The following ARHGAP11A variants were observed in gnomAD, a reference collection of about 807,000 sequenced individuals.
ARHGAP11A encodes rho GTPase-activating protein 11A.
Under a neutral mutation model 60.5 loss-of-function variants are expected in ARHGAP11A, and 36 were observed. That is an observed-to-expected ratio of 0.59 (90% confidence interval 0.46 to 0.79). The LOEUF (loss-of-function observed/expected upper bound fraction) is 0.79, where lower values mean the gene tolerates loss of function less well. ARHGAP11A is among the 30% of genes least tolerant of loss of function. The pLI, the probability that ARHGAP11A is intolerant of heterozygous loss-of-function variation, is 0.00. For missense variants in ARHGAP11A, 1,071 were observed against 1,199.2 expected, an observed-to-expected ratio of 0.89 and a Z score of 1.58; for synonymous variants, 362 against 415.5, an observed-to-expected ratio of 0.87 and a Z score of 1.57.
chr15:32,626,725 G>A (rs1329273640), intron 6 of ARHGAP11A, among the ~76,000 whole-genome samples: 2 of 152,232 alleles, frequency 1.3e-5, no homozygotes, highest in Admixed American at 6.5e-5. Context: ...AACCTGCAGG[G>A]GAGAATCCTT....
chr15:32,621,901 C>T (rs1210000754), intron 2 of ARHGAP11A, among the ~76,000 whole-genome samples: 2 of 152,308 alleles, frequency 1.3e-5, no homozygotes, highest in African/African-American at 2.4e-5. Context: ...TTCATTTCCC[C>T]TCCATCTAAA....
In ARHGAP11A at chr15:32,624,310, A is replaced by G. The variant is rs757376094; in HGVS notation, c.435A>G (p.Gln145=). 1.9e-5 allele frequency: 31 copies of G among 1,613,790 alleles called. No homozygotes were observed. The highest frequency in any genetic ancestry group is 4.0e-5 in the African/African-American group (3 of 74,894). The change falls in exon 4 of 12, where the codon CAA becomes CAG. Residue 145 remains glutamine, a synonymous_variant. Coordinates refer to ENST00000361627, the MANE Select transcript of ARHGAP11A (RefSeq NM_014783.6). ...TGCATGAAGCACTTTTGAAAGCTCA[A>G]CAGTTAGGCACAGAGGAAAAGAATA... ...ADLHEALLKA[Q]QLGTEEKNKA... is the part of the protein sequence containing the mutation.
chr15:32,638,184 C>T lies in ARHGAP11A; in HGVS notation c.*339C>T, dbSNP rs1163625500. 5.3e-6 allele frequency: 1 copy of T among 187,074 alleles called. No individual in the cohort carries two copies. The highest frequency in any genetic ancestry group is 2.4e-5 in the African/African-American group (1 of 42,496). The allele number at this position is 187,074 out of a possible 1,614,324, so 11.6% of individuals were successfully genotyped here. On this transcript the variant is annotated 3_prime_UTR_variant, in exon 12 of 12. Transcript: ENST00000361627. Reference sequence around the variant, plus strand: ...CACTTCCTGGGTTCATGCCATTTTCCTGCCTCAGCCTCCCGAGTAGCTGGG... The same window carrying T: ...CACTTCCTGGGTTCATGCCATTTTCTTGCCTCAGCCTCCCGAGTAGCTGGG...
Position 32,633,915 on chromosome 15 carries a change from T to A in ARHGAP11A, c.1236-18T>A. The A allele has an allele frequency of 2.6e-6, 4 of 1,529,514 alleles. No individual in the cohort carries two copies. Among genetic ancestry groups the A allele is most frequent in the East Asian group, 2.3e-5 (1 of 43,806 alleles). The allele number at this position is 1,529,514 out of a possible 1,614,324, so 94.7% of individuals were successfully genotyped here. A position where few individuals can be genotyped will look rare whatever the true frequency, so the allele number is the denominator to read the frequency against. ...TGTTTATACTATAAACTGACATTTTTAATTCCACTTCTTCTAGAGTGGAAT... is the reference window on the plus strand; with the variant it reads ...TGTTTATACTATAAACTGACATTTTAAATTCCACTTCTTCTAGAGTGGAAT... On this transcript the variant is annotated intron_variant, in intron 9 of 11. Coordinates refer to ENST00000361627, the MANE Select transcript of ARHGAP11A (RefSeq NM_014783.6).
intron 3 of ARHGAP11A, among the ~76,000 whole-genome samples, chr15:32,623,925 G>A (rs2053394849): frequency 6.6e-6 from 1 of 152,038 alleles, no homozygotes; most frequent in Non-Finnish European, 1.5e-5. Flanking sequence ...CTACTTGGGA[G>A]GCTAAGGCAG....
In ARHGAP11A at chr15:32,625,611, A is replaced by G. The variant is rs2053440224; in HGVS notation, c.840A>G (p.Arg280=). The change falls in exon 6 of 12, where the codon AGA becomes AGG. Residue 280 remains arginine (R), a synonymous_variant. Transcript: ENST00000361627. ...ATGAAACTCCTGGTGAATATAAGAGAAAGAGAAGACAAAGTGTAGGAGGTA... is the reference window on the plus strand; with the variant it reads ...ATGAAACTCCTGGTGAATATAAGAGGAAGAGAAGACAAAGTGTAGGAGGTA... ...GEYETPGEYK[R]KRRQSVGDFV... 6.2e-7 allele frequency: 1 copy of G among 1,613,956 alleles called. No individual in the cohort carries two copies. The highest frequency in any genetic ancestry group is 1.3e-5 in the African/African-American group (1 of 75,044).
At chr15:32,635,250 G>T (rs535242516) in intron 10 of ARHGAP11A, among the ~76,000 whole-genome samples, 2 of 152,180 alleles carry the variant, frequency 1.3e-5, no homozygotes, top group East Asian at 1.9e-4. Context: ...TCTCACCTTT[G>T]TTTTGTTTTA....
At chr15:32,631,891 G>A (rs1306018707) in intron 8 of ARHGAP11A, among the ~76,000 whole-genome samples, 3 of 152,094 alleles carry the variant, frequency 2.0e-5, no homozygotes, top group African/African-American at 7.2e-5. Context: ...GGCCAGGCTG[G>A]TTTGAACTCC....
intron 8 of ARHGAP11A, 76 bp downstream of exon 8, chr15:32,629,838 A>G (rs2053549792): frequency 1.1e-6 from 1 of 951,412 alleles, no homozygotes; most frequent in East Asian, 2.6e-5. Context: ...GCAATTTCAT[A>G]TTAATAATAC....
Position 32,616,326 on chromosome 15 carries a change from G to T in ARHGAP11A, c.115G>T (p.Ala39Ser), listed in dbSNP as rs1388474364. 6.2e-7 allele frequency: 1 copy of T among 1,613,950 alleles called. No homozygotes were observed. Among genetic ancestry groups the T allele is most frequent in the South Asian group, 1.1e-5 (1 of 91,070 alleles). ...QCDRRRHETA[A>S]TEIGGKIFGV... ...CGATCGCAGGAGACATGAAACAGCA[G>T]CCACGGAAATAGGGGTAAGTTCTGT... The change falls in exon 1 of 12, where the codon GCC (alanine) becomes TCC (serine). Residue 39 changes from alanine to serine, a missense_variant. By Grantham distance (99) the Ala-to-Ser change is moderately conservative (BLOSUM62 1). Around this residue, in one of 4 missense-constraint regions of ARHGAP11A, gnomAD observed 71 missense variants for 142.4 expected, o/e 0.50. Coordinates refer to ENST00000361627, the MANE Select transcript of ARHGAP11A (RefSeq NM_014783.6).
chr15:32,617,313 G>A (rs1382412199), intron 1 of ARHGAP11A, among the ~76,000 whole-genome samples: 3 of 151,768 alleles, frequency 2.0e-5, no homozygotes, highest in East Asian at 3.9e-4. Flanking sequence ...TTTGTTGGTA[G>A]CAAATTAATG....
Position 32,637,793 on chromosome 15 carries a change from A to T in ARHGAP11A, c.3020A>T (p.His1007Leu), listed in dbSNP as rs1045105356. 1 of 1,607,620 alleles carries T rather than the reference A, an allele frequency of 6.2e-7. No individual in the cohort carries two copies. The highest frequency in any genetic ancestry group is 8.5e-7 in the Non-Finnish European group (1 of 1,178,202). Residue 1007 changes from histidine (H) to leucine (L), a missense_variant, in exon 12 of 12, where the codon CAT (histidine) becomes CTT (leucine). By Grantham distance (99) the His-to-Leu change is moderately conservative. Coordinates refer to ENST00000361627, the MANE Select transcript of ARHGAP11A (RefSeq NM_014783.6). ...GCCTGGTACAAAGGTTCTCCAAAAC[A>T]TCCTATCGGAAAAACTCAATTACTA... ...GRAWYKGSPK[H>L]PIGKTQLLPT...
At chr15:32,630,186 A>G (rs1456263921) in intron 8 of ARHGAP11A, among the ~76,000 whole-genome samples, 3 of 88,894 alleles carry the variant, frequency 3.4e-5, no homozygotes, top group Non-Finnish European at 6.4e-5. Context: ...GAGCGTTACT[A>G]TTGCAGGTTA....
At chr15:32,621,183 C>CTTTTTTTT (rs60915388) in intron 2 of ARHGAP11A, among the ~76,000 whole-genome samples, 466 of 64,246 alleles carry the variant, frequency 7.3e-3, no homozygotes, top group East Asian at 0.012. Flanking sequence ...ACCTTTTATT[C>CTTTTTTTT]TTTTTTTTTT....
At position 32,637,860 on chromosome 15, in the gene ARHGAP11A, A is replaced by G; in HGVS notation, c.*15A>G. ...TAGATTTGTAATTGGTAAATGTTAT[A>G]CTTGTCATTAATGTAAATAAAGTGA... is the stretch of plus-strand genomic sequence containing the variant. On this transcript the variant is annotated 3_prime_UTR_variant, in exon 12 of 12. Coordinates refer to ENST00000361627, the MANE Select transcript of ARHGAP11A (RefSeq NM_014783.6). 3 of 1,550,770 alleles carry G rather than the reference A, an allele frequency of 1.9e-6. No homozygotes were observed. The highest frequency in any genetic ancestry group is 2.6e-6 in the Non-Finnish European group (3 of 1,149,280).
At chr15:32,623,609 T>C (rs768189722) in intron 3 of ARHGAP11A, 21 bp downstream of exon 3, 45 of 1,599,934 alleles carry the variant, frequency 2.8e-5, no homozygotes, top group Non-Finnish European at 3.3e-5. Flanking sequence ...TGTTGAACTA[T>C]TAATTTTTCA....
intron 7 of ARHGAP11A, 48 bp downstream of exon 7, chr15:32,628,850 T>G (rs763891636): frequency 3.1e-6 from 4 of 1,278,810 alleles, no homozygotes; most frequent in South Asian, 3.2e-5. Flanking sequence ...TTGTATAGTA[T>G]TCTATAAAAT....
At chr15:32,617,475 T>C (rs1296917388) in intron 1 of ARHGAP11A, among the ~76,000 whole-genome samples, 1 of 129,838 alleles carries the variant, frequency 7.7e-6, no homozygotes, top group Non-Finnish European at 1.7e-5. Context: ...CTTTTCCTTT[T>C]TTTTTTTTTT....
intron 10 of ARHGAP11A, among the ~76,000 whole-genome samples, chr15:32,635,241 C>G (rs1441184439): frequency 6.6e-6 from 1 of 152,198 alleles, no homozygotes; most frequent in Non-Finnish European, 1.5e-5. Context: ...CTTCATGGCT[C>G]TCACCTTTGT....
Sources: allele counts gnomAD v4.1 joint callset (sites outside exome capture counted in the v4.1 genomes callset), GRCh38; gene constraint gnomAD v4.1.1; regional missense constraint gnomAD v4.1.1; transcripts MANE v1.5; gene names NCBI Gene and HGNC (gene_info 2026-07-23, HGNC 2026-07-21).